The following SIK2 variants were observed in gnomAD, a reference collection of about 807,000 sequenced individuals.
The protein encoded by SIK2 is serine/threonine-protein kinase SIK2.
A neutral mutation model predicts 103.2 loss-of-function variants in SIK2; 29 were observed. That is an observed-to-expected ratio of 0.28 (90% CI 0.21 to 0.38). SIK2 has a LOEUF of 0.38. Ranked by LOEUF, SIK2 falls within the 10% of genes least tolerant of loss-of-function variation. SIK2 has a pLI of 1.00. For synonymous variants in SIK2, 412 were observed against 446.1 expected, an observed-to-expected ratio of 0.92 and a Z score of 0.96; for missense variants, 879 against 1,171.0, an observed-to-expected ratio of 0.75 and a Z score of 3.64.
At chr11:111,664,274 G>A (rs576375268) in intron 3 of SIK2, among the ~76,000 whole-genome samples, 2 of 152,264 alleles carry the variant, frequency 1.3e-5, no homozygotes, top group African/African-American at 4.8e-5. Context: ...GGGAAAGATT[G>A]GGGCAGGGTA....
intron 1 of SIK2, among the ~76,000 whole-genome samples, chr11:111,604,347 T>C (rs1375898681): frequency 6.6e-6 from 1 of 152,270 alleles, no homozygotes; most frequent in Non-Finnish European, 1.5e-5. Flanking sequence ...AGAGAGGTTC[T>C]ACAAAACTTT....
In SIK2 at chr11:111,688,175, C is replaced by A; in HGVS notation, c.478+13C>A. Reference sequence around the variant, plus strand: ...ATCAAAATAGCAGGTAACTGGGACACAACTGGCTCTAATAAGATCCGAAGT... The same window carrying A: ...ATCAAAATAGCAGGTAACTGGGACAAAACTGGCTCTAATAAGATCCGAAGT... On this transcript the variant is annotated intron_variant, in intron 4 of 14. Transcript: ENST00000304987. The surrounding 1 kb of genome is among the most constrained non-coding windows in gnomAD (Gnocchi z 4.2). 1 of 1,613,932 alleles carries A rather than the reference C, an allele frequency of 6.2e-7. No homozygotes were observed. The highest frequency in any genetic ancestry group is 8.5e-7 in the Non-Finnish European group (1 of 1,179,912).
rs1005725025 is a variant in SIK2 at position 111,726,881 on chromosome 11, A to C, written c.*2752A>C. 1 of 1,258,886 alleles carries C rather than the reference A, an allele frequency of 7.9e-7. No homozygotes were observed. The highest frequency in any genetic ancestry group is 1.1e-6 in the Non-Finnish European group (1 of 875,032). The allele number at this position is 1,258,886 out of a possible 1,614,324, so 78.0% of individuals were successfully genotyped here. On this transcript the variant is annotated 3_prime_UTR_variant, in exon 15 of 15. Transcript: ENST00000304987. ...CCTCTGAAGAGACTTTGGTGAGATG[A>C]ACGTGAGGTAAAAATTTCGTTCGGC... is the stretch of plus-strand genomic sequence containing the variant.
chr11:111,712,071 CT>C, intron 8 of SIK2, 139 bp from the exon 9 acceptor site: 1 of 892,682 alleles, frequency 1.1e-6, no homozygotes, highest in Non-Finnish European at 1.7e-6. Flanking sequence ...ATATATTTCA[CT>C]AAATCTTTCT....
chr11:111,694,103 T>G (rs1357271534), intron 4 of SIK2, among the ~76,000 whole-genome samples: 1 of 152,208 alleles, frequency 6.6e-6, no homozygotes, highest in Non-Finnish European at 1.5e-5. Flanking sequence ...AATAAATTGT[T>G]AGATAAAGCT....
chr11:111,727,182 G>A lies in SIK2; in HGVS notation c.*3053G>A. The A allele has an allele frequency of 1.3e-6, 1 of 770,410 alleles. No individual in the cohort carries two copies. Among genetic ancestry groups the A allele is most frequent in the South Asian group, 1.6e-5 (1 of 62,540 alleles). The allele number at this position is 770,410 out of a possible 1,614,324, so 47.7% of individuals were successfully genotyped here. A position where few individuals can be genotyped will look rare whatever the true frequency, so the allele number is the denominator to read the frequency against. ...CCTGCACTGCCTTCTGTCACCGTGG[G>A]AAAAGGAGGCTGATGGTTCTCTACA... is the stretch of plus-strand genomic sequence containing the variant. On this transcript the variant is annotated 3_prime_UTR_variant, in exon 15 of 15. Transcript: ENST00000304987.
intron 3 of SIK2, among the ~76,000 whole-genome samples, chr11:111,661,257 A>G (rs1273409173): frequency 6.6e-6 from 1 of 152,182 alleles, no homozygotes; most frequent in African/African-American, 2.4e-5. Context: ...GATGTATGTC[A>G]ATACCCATAC....
intron 3 of SIK2, among the ~76,000 whole-genome samples, chr11:111,628,936 A>G (rs73017013): frequency 6.8e-4 from 104 of 152,172 alleles, no homozygotes; most frequent in Non-Finnish European, 1.3e-3. Context: ...GGAGTAGGAG[A>G]AGGGGTTAGG....
Position 111,720,972 on chromosome 11 carries a change from G to C in SIK2, c.1854G>C (p.Gln618His). ...GAATTCTAGAGTTGAACAAAGTGCAGTTGTTGTATGAACAAATAGGACCGG... is the reference window on the plus strand; with the variant it reads ...GAATTCTAGAGTTGAACAAAGTGCACTTGTTGTATGAACAAATAGGACCGG... ...TKGILELNKV[Q>H]LLYEQIGPEA... The change falls in exon 12 of 15, where the codon CAG becomes CAC. Residue 618 changes from glutamine to histidine, a missense_variant. Gln to His is a conservative substitution (Grantham distance 24, BLOSUM62 0). This residue lies in a region of SIK2 where 375 missense variants were observed against 416.3 expected (regional missense o/e 0.90). Transcript: ENST00000304987. The C allele has an allele frequency of 6.2e-7, 1 of 1,614,210 alleles. No homozygotes were observed. Among genetic ancestry groups the C allele is most frequent in the South Asian group, 1.1e-5 (1 of 91,082 alleles).
intron 3 of SIK2, among the ~76,000 whole-genome samples, chr11:111,629,823 T>C (rs935213094): frequency 4.6e-5 from 7 of 152,128 alleles, no homozygotes; most frequent in Admixed American, 3.9e-4. Flanking sequence ...CAACAATAAA[T>C]TTTAGGCTGT....
chr11:111,639,049 A>G (rs1482787338), intron 3 of SIK2, among the ~76,000 whole-genome samples: 3 of 152,186 alleles, frequency 2.0e-5, no homozygotes, highest in African/African-American at 7.2e-5. Context: ...CAGTAGCCCT[A>G]TGCTAGTTGT....
intron 3 of SIK2, among the ~76,000 whole-genome samples, chr11:111,673,540 C>G (rs1180935273): frequency 6.6e-6 from 1 of 152,138 alleles, no homozygotes; most frequent in Non-Finnish European, 1.5e-5. Context: ...TGGCGTCTAG[C>G]AATCAGATAT....
At position 111,704,987 on chromosome 11, in the gene SIK2, T is replaced by A; in HGVS notation, c.949T>A (p.Ser317Thr). Residue 317 changes from serine to threonine, a missense_variant and splice_region_variant, in exon 8 of 15, where the codon TCT (serine) becomes ACT (threonine). Physicochemically the swap from Ser to Thr is moderately conservative, Grantham distance 58 (BLOSUM62 1). Transcript: ENST00000304987. ...LGIDQQKTIESLQNKSYNHFA... is the reference protein window; with the variant it reads ...LGIDQQKTIETLQNKSYNHFA... ...CTTTACCACTTGTTTTTTATTTCAG[T>A]CTTTGCAGAACAAGAGCTATAACCA... 6.2e-7 allele frequency: 1 copy of A among 1,601,132 alleles called. No individual in the cohort carries two copies. Among genetic ancestry groups the A allele is most frequent in the Non-Finnish European group, 8.5e-7 (1 of 1,175,678 alleles).
chr11:111,639,380 G>A (rs1328862851), intron 3 of SIK2, among the ~76,000 whole-genome samples: 1 of 152,104 alleles, frequency 6.6e-6, no homozygotes, highest in Non-Finnish European at 1.5e-5. Context: ...CTTTACTCAG[G>A]AAAACAGCCA....
chr11:111,602,460 G>A lies in SIK2; in HGVS notation c.-104G>A. The A allele has an allele frequency of 3.1e-6, 4 of 1,271,546 alleles. No homozygotes were observed. Among genetic ancestry groups the A allele is most frequent in the Non-Finnish European group, 4.1e-6 (4 of 980,122 alleles). 78.8% of individuals were successfully genotyped at this position (1,271,546 alleles called of 1,614,324 possible). ...GGGGAGCGGGAGGGAAGGAGCGAAG[G>A]AGCGAAGGAGCAAGCGGAGCGGCCG... On this transcript the variant is annotated 5_prime_UTR_variant, in exon 1 of 15. Transcript: ENST00000304987. The surrounding 1 kb of genome is among the most constrained non-coding windows in gnomAD (Gnocchi z 4.5).
At chr11:111,640,094 C>G (rs1433306221) in intron 3 of SIK2, among the ~76,000 whole-genome samples, 1 of 152,218 alleles carries the variant, frequency 6.6e-6, no homozygotes, top group Non-Finnish European at 1.5e-5. Flanking sequence ...TCAGCCCTTT[C>G]CTGTTCCAAT....
At position 111,705,144 on chromosome 11, in the gene SIK2, T is replaced by A. The variant is rs1943312663; in HGVS notation, c.1101+5T>A. On this transcript the variant is annotated splice_donor_5th_base_variant and intron_variant, in intron 8 of 14. Transcript: ENST00000304987. This position sits in a 1 kb window ranked among gnomAD's most constrained non-coding sequence, Gnocchi z 4.3. Reference sequence around the variant, plus strand: ...GCTGAGCAAACAGTTGCCAAGGTAATGCCCCCTTAGCTGAGAGTCTTATCT... The same window carrying A: ...GCTGAGCAAACAGTTGCCAAGGTAAAGCCCCCTTAGCTGAGAGTCTTATCT... The A allele has an allele frequency of 6.4e-7, 1 of 1,560,834 alleles. No homozygotes were observed.
chr11:111,635,116 T>C (rs1942089328), intron 3 of SIK2, among the ~76,000 whole-genome samples: 1 of 152,184 alleles, frequency 6.6e-6, no homozygotes, highest in Non-Finnish European at 1.5e-5. Flanking sequence ...AGAGCCAGCA[T>C]GATTCATGAT....
chr11:111,605,163 G>GTGT (rs893731083), intron 1 of SIK2, among the ~76,000 whole-genome samples: 9 of 151,980 alleles, frequency 5.9e-5, no homozygotes, highest in African/African-American at 2.2e-4. Flanking sequence ...GGGTTTCACA[G>GTGT]TGTTGGCCAG....
Sources: allele counts gnomAD v4.1 joint callset (sites outside exome capture counted in the v4.1 genomes callset), GRCh38; gene constraint gnomAD v4.1.1; regional missense constraint gnomAD v4.1.1; non-coding constraint Gnocchi (gnomAD v3.1); transcripts MANE v1.5; gene names NCBI Gene and HGNC (gene_info 2026-07-23, HGNC 2026-07-21).